Variants in MPP4 observed in about 807,000 individuals in gnomAD.
MPP4 encodes the protein MAGUK p55 subfamily member 4.
In MPP4, 91 loss-of-function variants were observed where a neutral mutation model predicts 98.3. That is an observed-to-expected ratio of 0.93 (90% CI 0.78 to 1.10). The LOEUF (loss-of-function observed/expected upper bound fraction) is 1.10, where lower values mean the gene tolerates loss of function less well. MPP4 is among the 50% of genes least tolerant of loss of function. MPP4 has a pLI of 0.00. For synonymous variants in MPP4, 261 were observed against 271.8 expected (o/e 0.96, Z 0.39); for missense variants, 744 against 792.9 (o/e 0.94, Z 0.74).
intron 18 of MPP4, among the ~76,000 whole-genome samples, chr2:201,654,136 C>T: frequency 6.6e-6 from 1 of 151,986 alleles, no homozygotes; most frequent in East Asian, 1.9e-4. Flanking sequence ...GCACCACACC[C>T]AGCTAATTTT....
chr2:201,681,970 T>C (rs1447028434), intron 8 of MPP4, among the ~76,000 whole-genome samples: 2 of 152,134 alleles, frequency 1.3e-5, no homozygotes, highest in Admixed American at 6.5e-5. Context: ...CTACACCAGA[T>C]ACCCCAGTCT....
In MPP4 at chr2:201,694,608, C is replaced by CTTTTTTTTTTTTTTT. The variant is rs777556505; in HGVS notation, c.-100-569_-100-555dup. Among the ~76,000 whole-genome samples, 9 of 78,868 alleles carry CTTTTTTTTTTTTTTT rather than the reference C, an allele frequency of 1.1e-4. 1 individual carries two copies. The highest frequency in any genetic ancestry group is 4.2e-4 in the African/African-American group (8 of 19,084). 51.7% of individuals were successfully genotyped at this position (78,868 alleles called of 152,430 possible). On this transcript the variant is annotated intron_variant, in intron 1 of 21. Coordinates refer to ENST00000409474, the MANE Select transcript of MPP4 (RefSeq NM_033066.3). ...AGAGTCTGGACAGTTTTCTTTTTCC[C>CTTTTTTTTTTTTTTT]TTTTTTTTTTTTTTTTTTTTTTTTT...
chr2:201,697,539 G>A (rs1027597355), intron 1 of MPP4, among the ~76,000 whole-genome samples: 1 of 152,176 alleles, frequency 6.6e-6, no homozygotes, highest in Non-Finnish European at 1.5e-5. Flanking sequence ...CAAGCACTTG[G>A]TATGTTCAGT....
At chr2:201,674,366 C>G (rs1688438745) in intron 11 of MPP4, among the ~76,000 whole-genome samples, 1 of 152,162 alleles carries the variant, frequency 6.6e-6, no homozygotes, top group African/African-American at 2.4e-5. Flanking sequence ...GAAGGAATGT[C>G]AACGGTAGGA....
chr2:201,685,722 A>G (rs548211879), intron 6 of MPP4, among the ~76,000 whole-genome samples, 197 bp downstream of exon 6: 28 of 152,372 alleles, frequency 1.8e-4, no homozygotes, highest in South Asian at 1.0e-3. Flanking sequence ...ACTAAGCTGA[A>G]ATCTTTCCTT....
intron 18 of MPP4, chr2:201,651,973 A>G: frequency 9.3e-6 from 7 of 754,484 alleles, no homozygotes; most frequent in Non-Finnish European, 1.1e-5. Context: ...AAACAAACAG[A>G]AAAAAAAAAA....
rs1158495457 is a variant in MPP4, at chr2:201,675,280, G to C, written c.930-9C>G. 6.2e-7 allele frequency: 1 copy of C among 1,605,212 alleles called. No individual in the cohort carries two copies. The highest frequency in any genetic ancestry group is 1.1e-5 in the South Asian group (1 of 88,934). On this transcript the variant is annotated splice_polypyrimidine_tract_variant and intron_variant, in intron 10 of 21. Transcript: ENST00000409474. Reference sequence around the variant, plus strand: ...AGAATTCCCGTTGCTTCCTATGGGGGGGAAAAAACCATGCGACAAAAAACA... The same window carrying C: ...AGAATTCCCGTTGCTTCCTATGGGGCGGAAAAAACCATGCGACAAAAAACA...
At chr2:201,681,083 A>G in intron 9 of MPP4, 49 bp from the exon 10 acceptor site, 1 of 1,571,464 alleles carries the variant, frequency 6.4e-7, no homozygotes, top group South Asian at 1.1e-5. Context: ...TAATGGTGCC[A>G]TCCGAAGAAC....
chr2:201,673,577 G>GAA (rs11375204), intron 11 of MPP4: 388 of 187,082 alleles, frequency 2.1e-3, no homozygotes, highest in South Asian at 5.5e-3. Flanking sequence ...AATTAAAAAA[G>GAA]AAAAAAAAAG....
chr2:201,651,448 C>G, intron 18 of MPP4: 1 of 985,396 alleles, frequency 1.0e-6, no homozygotes, highest in Non-Finnish European at 1.2e-6. Flanking sequence ...GATGACTCCT[C>G]CTTTGCTTCC....
At chr2:201,672,568 A>T (rs1030253275) in intron 11 of MPP4, among the ~76,000 whole-genome samples, 1 of 152,148 alleles carries the variant, frequency 6.6e-6, no homozygotes, top group Non-Finnish European at 1.5e-5. Flanking sequence ...AAAGGGGACA[A>T]CATCACCACT....
intron 14 of MPP4, 129 bp from the exon 15 acceptor site, chr2:201,660,475 G>T (rs1192683373): frequency 3.0e-6 from 3 of 986,572 alleles, no homozygotes; most frequent in Non-Finnish European, 4.8e-6. Context: ...AAGGTAACTC[G>T]GGTAAGGCCT....
chr2:201,694,168 C>A, intron 1 of MPP4, 114 bp from the exon 2 acceptor site: 1 of 998,780 alleles, frequency 1.0e-6, no homozygotes, highest in Non-Finnish European at 1.4e-6. Flanking sequence ...TTAACCATCA[C>A]CAGTGGCGTG....
At chr2:201,697,897 C>CTGATGCCTGGCA (rs372126195) in intron 1 of MPP4, 1 of 984,816 alleles carries the variant, frequency 1.0e-6, no homozygotes, top group Admixed American at 6.2e-5. Context: ...CTGAAAGATG[C>CTGATGCCTGGCA]TGATGCCTGG....
At chr2:201,661,349 T>C in intron 14 of MPP4, 1 of 454,490 alleles carries the variant, frequency 2.2e-6, no homozygotes, top group South Asian at 1.6e-5. Flanking sequence ...GAACCTTAAC[T>C]GCTCACTAAG....
intron 3 of MPP4, among the ~76,000 whole-genome samples, chr2:201,691,307 C>T (rs1479322543): frequency 6.6e-6 from 1 of 152,062 alleles, no homozygotes. Flanking sequence ...TAAGACAGAC[C>T]ACATTTCACA....
rs371358861 is a variant in MPP4, at chr2:201,680,801, G to A, written c.929+37C>T. On this transcript the variant is annotated intron_variant, in intron 10 of 21. Transcript: ENST00000409474. ...AAGAAAAACATTTTGTTTCCTGATGGTTCAGCCCTGAGTCCAGGAGTGGTG... is the reference window on the plus strand; with the variant it reads ...AAGAAAAACATTTTGTTTCCTGATGATTCAGCCCTGAGTCCAGGAGTGGTG... 2.3e-5 allele frequency: 36 copies of A among 1,567,672 alleles called. No individual in the cohort carries two copies. The African/African-American group carries it at 4.3e-4, about 19-fold the overall frequency.
intron 16 of MPP4, 101 bp from the exon 17 acceptor site, chr2:201,656,469 C>T: frequency 1.7e-6 from 2 of 1,154,860 alleles, no homozygotes; most frequent in Non-Finnish European, 2.4e-6. Flanking sequence ...CTAAAGTGTT[C>T]ATTAATATAG....
At chr2:201,654,451 A>G (rs999955740) in intron 18 of MPP4, among the ~76,000 whole-genome samples, 2 of 152,182 alleles carry the variant, frequency 1.3e-5, no homozygotes, top group Admixed American at 1.3e-4. Flanking sequence ...AAATAGAAAA[A>G]AGCCATTTTA....
Sources: allele counts gnomAD v4.1 joint callset (sites outside exome capture counted in the v4.1 genomes callset), GRCh38; gene constraint gnomAD v4.1.1; transcripts MANE v1.5; gene names NCBI Gene and HGNC (gene_info 2026-07-23, HGNC 2026-07-21).